Variants in SMPD3 observed in about 807,000 individuals in gnomAD.
The protein encoded by SMPD3 is sphingomyelin phosphodiesterase 3.
In SMPD3, 21 loss-of-function variants were observed where a neutral mutation model predicts 55.7. The observed-to-expected ratio is 0.38, with a 90% CI of 0.27 to 0.54. The LOEUF (loss-of-function observed/expected upper bound fraction) is 0.54, where lower values mean the gene tolerates loss of function less well. SMPD3 is among the 20% of genes least tolerant of loss of function. The probability of loss-of-function intolerance (pLI) is 0.80; values close to 1 mark genes in which losing one functional copy is unlikely to be tolerated. For synonymous variants in SMPD3, 457 were observed against 404.3 expected (o/e 1.13, Z -1.56); for missense variants, 842 against 899.6 (o/e 0.94, Z 0.82).
chr16:68,407,664 A>G (rs1356718680), intron 1 of SMPD3, among the ~76,000 whole-genome samples: 1 of 152,080 alleles, frequency 6.6e-6, no homozygotes, highest in Non-Finnish European at 1.5e-5. Flanking sequence ...ATTGTTTTTA[A>G]TTTTTATTCT....
At chr16:68,377,354 G>A (rs2089841631) in intron 2 of SMPD3, among the ~76,000 whole-genome samples, 2 of 152,138 alleles carry the variant, frequency 1.3e-5, no homozygotes, top group South Asian at 4.1e-4. Flanking sequence ...TCCTGGGCAG[G>A]ACCCAGGTGG....
chr16:68,365,159 G>A, intron 3 of SMPD3, 67 bp from the exon 4 acceptor site: 1 of 1,523,796 alleles, frequency 6.6e-7, no homozygotes, highest in African/African-American at 1.4e-5. Context: ...CAGGACACTG[G>A]CAGTGCCCAC....
At chr16:68,425,070 C>A (rs777414796) in intron 1 of SMPD3, among the ~76,000 whole-genome samples, 2 of 152,194 alleles carry the variant, frequency 1.3e-5, no homozygotes, top group Admixed American at 6.5e-5. Context: ...GATGCAGAAA[C>A]CTCCTCCCAG....
intron 1 of SMPD3, among the ~76,000 whole-genome samples, chr16:68,405,831 C>T (rs1300123668): frequency 6.6e-6 from 1 of 152,152 alleles, no homozygotes; most frequent in Admixed American, 6.5e-5. Flanking sequence ...AATTCAGAGA[C>T]TGATGTGGGT....
chr16:68,402,236 C>T (rs1325874477), intron 1 of SMPD3, among the ~76,000 whole-genome samples: 1 of 152,208 alleles, frequency 6.6e-6, no homozygotes, highest in Non-Finnish European at 1.5e-5. Context: ...TACAGCACCT[C>T]ACCTCTGCAG....
intron 1 of SMPD3, among the ~76,000 whole-genome samples, chr16:68,434,842 T>A (rs1332214987): frequency 6.6e-6 from 1 of 152,160 alleles, no homozygotes; most frequent in Non-Finnish European, 1.5e-5. Flanking sequence ...GCCCTTCTCA[T>A]CTCCTTTGGT....
chr16:68,401,082 A>G (rs1470460883), intron 1 of SMPD3, among the ~76,000 whole-genome samples: 1 of 152,200 alleles, frequency 6.6e-6, no homozygotes, highest in Non-Finnish European at 1.5e-5. Context: ...ATAGTGAAAC[A>G]GAAGTACAGA....
chr16:68,427,765 T>C (rs1364151421), intron 1 of SMPD3, among the ~76,000 whole-genome samples: 1 of 150,788 alleles, frequency 6.6e-6, no homozygotes, highest in African/African-American at 2.4e-5. Context: ...GGGGGGGTGC[T>C]GATGCATTGT....
intron 1 of SMPD3, among the ~76,000 whole-genome samples, chr16:68,392,579 AG>A (rs2090120870): frequency 1.3e-5 from 2 of 152,144 alleles, no homozygotes; most frequent in Admixed American, 1.3e-4. Context: ...AAGAGATGCC[AG>A]GCCAGGTGCA....
At chr16:68,439,596 T>C (rs536303936) in intron 1 of SMPD3, among the ~76,000 whole-genome samples, 5 of 152,340 alleles carry the variant, frequency 3.3e-5, no homozygotes, top group African/African-American at 9.6e-5. Context: ...GTTGCTCTCC[T>C]GCTAAAACAT....
rs1276318458 is a variant in SMPD3, at chr16:68,448,471, G to GCGGCTCTCGGGTCCGGAGCCTCCCT, written c.-412_-388dup. 6.6e-6 allele frequency: 1 copy of GCGGCTCTCGGGTCCGGAGCCTCCCT among 152,340 alleles called. No homozygotes were observed. The highest frequency in any genetic ancestry group is 2.4e-5 in the African/African-American group (1 of 41,520). 9.4% of individuals were successfully genotyped at this position (152,340 alleles called of 1,614,324 possible). On this transcript the variant is annotated 5_prime_UTR_variant, in exon 1 of 9. Transcript: ENST00000219334. ...GGCGGCCGCAGCGGCGGCGGCTCTC[G>GCGGCTCTCGGGTCCGGAGCCTCCCT]CGGCTCTCGGGTCCGGAGCCTCCCT...
chr16:68,365,904 G>A (rs989140879), intron 3 of SMPD3, among the ~76,000 whole-genome samples: 1 of 152,174 alleles, frequency 6.6e-6, no homozygotes, highest in African/African-American at 2.4e-5. Context: ...CCCAGGTGGG[G>A]GCAAGATGGA....
intron 1 of SMPD3, among the ~76,000 whole-genome samples, chr16:68,433,085 T>G (rs967218109): frequency 6.6e-6 from 1 of 152,206 alleles, no homozygotes; most frequent in East Asian, 1.9e-4. Flanking sequence ...ATTACAGGCA[T>G]GAGCCACCAT....
At chr16:68,392,835 GAAAAAAA>G (rs60841057) in intron 1 of SMPD3, among the ~76,000 whole-genome samples, 1 of 88,292 alleles carries the variant, frequency 1.1e-5, no homozygotes, top group African/African-American at 5.1e-5. Flanking sequence ...CGCTGTCTGG[GAAAAAAA>G]AAAAAAAAAA....
chr16:68,395,722 A>G (rs2090150480), intron 1 of SMPD3, among the ~76,000 whole-genome samples: 1 of 152,238 alleles, frequency 6.6e-6, no homozygotes, highest in African/African-American at 2.4e-5. Flanking sequence ...AAAATACATC[A>G]AGGGAAAAGT....
chr16:68,361,678 C>T lies in SMPD3; in HGVS notation c.1791G>A (p.Glu597=), dbSNP rs1336645793. The part of the protein sequence containing the change: ...SKSSGQKGRK[E]LLKGNGRRID... ...TGCGCCGGCCGTTGCCCTTCAGCAG[C>T]TCCTTCCGCCCCTTCTGGCCCGAGC... Residue 597 remains glutamate, a synonymous_variant, in exon 8 of 9, where the codon GAG becomes GAA. Transcript: ENST00000219334. 1.2e-6 allele frequency: 2 copies of T among 1,612,764 alleles called. No individual in the cohort carries two copies. Among genetic ancestry groups the T allele is most frequent in the Non-Finnish European group, 8.5e-7 (1 of 1,179,856 alleles).
intron 4 of SMPD3, 23 bp downstream of exon 4, chr16:68,364,994 A>C (rs1368036126): frequency 6.2e-7 from 1 of 1,613,828 alleles, no homozygotes; most frequent in East Asian, 2.2e-5. Flanking sequence ...CCTAGAAAAA[A>C]CACAGGTGGG....
At chr16:68,366,431 G>T (rs1330793334) in intron 3 of SMPD3, among the ~76,000 whole-genome samples, 1 of 152,218 alleles carries the variant, frequency 6.6e-6, no homozygotes, top group Non-Finnish European at 1.5e-5. Context: ...AGCCCCACAG[G>T]TTCACCATTC....
At chr16:68,396,420 T>A (rs2090157903) in intron 1 of SMPD3, among the ~76,000 whole-genome samples, 1 of 152,214 alleles carries the variant, frequency 6.6e-6, no homozygotes, top group Non-Finnish European at 1.5e-5. Context: ...TAGCTTTCAC[T>A]GTTCCTGGGA....
Sources: allele counts gnomAD v4.1 joint callset (sites outside exome capture counted in the v4.1 genomes callset), GRCh38; gene constraint gnomAD v4.1.1; transcripts MANE v1.5; gene names NCBI Gene and HGNC (gene_info 2026-07-23, HGNC 2026-07-21).